CCL28: variants seen among roughly 807,000 people sequenced by gnomAD.
CCL28 encodes C-C motif chemokine ligand 28.
In CCL28, 4 loss-of-function variants were observed where a neutral mutation model predicts 7.1. The ratio of observed to expected loss-of-function variants is 0.56; its 90% CI spans 0.28 to 1.29. CCL28 has a LOEUF of 1.29. Among genes scored for constraint, CCL28 ranks in the 50% most tolerant of loss-of-function variants. CCL28 has a pLI of 0.11. For synonymous variants in CCL28, 55 were observed against 57.8 expected, an observed-to-expected ratio of 0.95 and a Z score of 0.22; for missense variants, 151 against 163.4, an observed-to-expected ratio of 0.92 and a Z score of 0.41.
At chr5:43,382,249 A>G (rs905634950) in intron 2 of CCL28, among the ~76,000 whole-genome samples, 197 bp from the exon 3 acceptor site, 1 of 152,202 alleles carries the variant, frequency 6.6e-6, no homozygotes, top group African/African-American at 2.4e-5. Flanking sequence ...CTTTACAAAC[A>G]CTGCTGCCTG....
chr5:43,408,317 G>T (rs1282922725), intron 1 of CCL28, among the ~76,000 whole-genome samples: 3 of 152,244 alleles, frequency 2.0e-5, no homozygotes, highest in East Asian at 1.9e-4. Flanking sequence ...CCATAAAAAA[G>T]GATGAGTTCA....
chr5:43,369,272 C>T, the CCL28 span, among the ~76,000 whole-genome samples: 1 of 152,096 alleles, frequency 6.6e-6, no homozygotes, highest in African/African-American at 2.4e-5. Context: ...GATTCCCCAC[C>T]AGGCTCATTA....
At chr5:43,361,471 T>C in the CCL28 span, among the ~76,000 whole-genome samples, 1 of 152,242 alleles carries the variant, frequency 6.6e-6, no homozygotes, top group African/African-American at 2.4e-5. Context: ...TTTCTTTTCC[T>C]GTGCAGAAGC....
At chr5:43,368,493 T>A in the CCL28 span, among the ~76,000 whole-genome samples, 1 of 152,234 alleles carries the variant, frequency 6.6e-6, no homozygotes, top group Non-Finnish European at 1.5e-5. Context: ...ATGCAACCTC[T>A]GAGTCATGTA....
chr5:43,383,246 G>A (rs930444117), intron 2 of CCL28, among the ~76,000 whole-genome samples: 1 of 152,058 alleles, frequency 6.6e-6, no homozygotes, highest in African/African-American at 2.4e-5. Flanking sequence ...TCCTCATGAG[G>A]GGTCATCAGC....
At chr5:43,385,505 C>T (rs1440341895) in intron 2 of CCL28, among the ~76,000 whole-genome samples, 1 of 151,968 alleles carries the variant, frequency 6.6e-6, no homozygotes, top group African/African-American at 2.4e-5. Context: ...GTCTTTATAC[C>T]CAGTCAGGGA....
chr5:43,395,754 C>T (rs141365528), intron 1 of CCL28, among the ~76,000 whole-genome samples: 1,851 of 151,602 alleles, frequency 0.012, 14 homozygotes, highest in Middle Eastern at 0.034. Context: ...AGAATGGCTA[C>T]TTCATAGAGC....
At chr5:43,393,635 G>T (rs771439150) in intron 1 of CCL28, among the ~76,000 whole-genome samples, 1 of 152,174 alleles carries the variant, frequency 6.6e-6, no homozygotes. Context: ...GATTACAGGC[G>T]TGAGCCACCG....
chr5:43,388,412 C>G lies in CCL28; in HGVS notation c.129G>C (p.Leu43=). ...GGATGCGACACATATTCACTCTTTCCAGGAGCCTTCTGGAAATATGATGTG... is the reference window on the plus strand; with the variant it reads ...GGATGCGACACATATTCACTCTTTCGAGGAGCCTTCTGGAAATATGATGTG... The part of the protein sequence containing the change: ...EVSHHISRRL[L]ERVNMCRIQR... Residue 43 remains leucine, a synonymous_variant, in exon 2 of 3, where the codon CTG becomes CTC. Coordinates refer to ENST00000361115, the MANE Select transcript of CCL28 (RefSeq NM_148672.3). 6.2e-7 allele frequency: 1 copy of G among 1,614,116 alleles called. No individual in the cohort carries two copies. The highest frequency in any genetic ancestry group is 1.1e-5 in the South Asian group (1 of 91,062).
At chr5:43,379,019 C>T (rs139922140), downstream of CCL28, among the ~76,000 whole-genome samples, 182 of 152,222 alleles carry the variant, frequency 1.2e-3, no homozygotes, top group African/African-American at 3.9e-3. Context: ...ACACTATCTT[C>T]AGACAAAGTT....
downstream of CCL28, among the ~76,000 whole-genome samples, chr5:43,377,717 C>CTTTTGTT (rs1739938084): frequency 2.3e-5 from 1 of 42,708 alleles, no homozygotes; most frequent in Non-Finnish European, 3.9e-5. Flanking sequence ...AGAACTTAAA[C>CTTTTGTT]TTTTTTTTTT....
Position 43,380,671 on chromosome 5 carries a change from T to C in CCL28, c.*1189A>G, listed in dbSNP as rs2111686103. On this transcript the variant is annotated 3_prime_UTR_variant, in exon 3 of 3. Transcript: ENST00000361115. ...AACAAAATTAGCCAGGTGTGGTGGG[T>C]ATGCACCTTGATCCCAGATACTCGG... 1 of 151,976 alleles carries C rather than the reference T, an allele frequency of 6.6e-6. No homozygotes were observed. Among genetic ancestry groups the C allele is most frequent in the Non-Finnish European group, 1.5e-5 (1 of 67,960 alleles). The allele number at this position is 151,976 out of a possible 1,614,324, so 9.4% of individuals were successfully genotyped here. A position where few individuals can be genotyped will look rare whatever the true frequency, so the allele number is the denominator to read the frequency against.
chr5:43,401,697 CA>C (rs1211884370), intron 1 of CCL28, among the ~76,000 whole-genome samples: 4 of 152,182 alleles, frequency 2.6e-5, no homozygotes, highest in Non-Finnish European at 5.9e-5. Context: ...GGCCAATATG[CA>C]GTACAGTCCC....
chr5:43,364,752 C>T, the CCL28 span, among the ~76,000 whole-genome samples: 3 of 151,992 alleles, frequency 2.0e-5, no homozygotes, highest in Admixed American at 2.0e-4. Context: ...GTATTGGGTG[C>T]ATATATATTT....
At chr5:43,367,964 A>T in the CCL28 span, among the ~76,000 whole-genome samples, 6 of 152,062 alleles carry the variant, frequency 3.9e-5, 1 homozygote. Context: ...AAGTTAAGCA[A>T]TACAAATAAG....
chr5:43,401,704 G>A (rs746135453), intron 1 of CCL28, among the ~76,000 whole-genome samples: 16 of 152,174 alleles, frequency 1.1e-4, no homozygotes, highest in Non-Finnish European at 1.9e-4. Context: ...ATGCAGTACA[G>A]TCCCTGGCTC....
At chr5:43,372,012 G>A (rs1309027547), downstream of CCL28, among the ~76,000 whole-genome samples, 5 of 152,100 alleles carry the variant, frequency 3.3e-5, no homozygotes, top group African/African-American at 1.2e-4. Flanking sequence ...GGAAGCAAGA[G>A]AGTGGGGGAG....
At chr5:43,406,956 A>G (rs540031002) in intron 1 of CCL28, among the ~76,000 whole-genome samples, 3 of 152,310 alleles carry the variant, frequency 2.0e-5, no homozygotes, top group Admixed American at 2.0e-4. Flanking sequence ...ACCTCTTCAA[A>G]GAGAACTACA....
chr5:43,388,194 G>T, intron 2 of CCL28, 156 bp downstream of exon 2: 3 of 840,596 alleles, frequency 3.6e-6, no homozygotes, highest in South Asian at 3.7e-5. Flanking sequence ...ACTCCAGGGA[G>T]CCTGGGGCCT....
Sources: allele counts gnomAD v4.1 joint callset (sites outside exome capture counted in the v4.1 genomes callset), GRCh38; gene constraint gnomAD v4.1.1; transcripts MANE v1.5; gene names NCBI Gene and HGNC (gene_info 2026-07-23, HGNC 2026-07-21).